Variants in PDGFRB observed in about 807,000 individuals in gnomAD.
PDGFRB encodes platelet derived growth factor receptor beta.
A neutral mutation model predicts 120.2 loss-of-function variants in PDGFRB; 42 were observed. The observed-to-expected ratio is 0.35, with a 90% CI of 0.27 to 0.45. PDGFRB has a LOEUF of 0.45. Ranked by LOEUF, PDGFRB falls within the 20% of genes least tolerant of loss-of-function variation. The pLI is 1.00. For synonymous variants in PDGFRB, 586 were observed against 606.8 expected (o/e 0.97, Z 0.50); for missense variants, 1,149 against 1,476.3 (o/e 0.78, Z 3.63).
intron 1 of PDGFRB, among the ~76,000 whole-genome samples, chr5:150,140,650 GC>G (rs1157014826): frequency 6.6e-6 from 1 of 151,674 alleles, no homozygotes; most frequent in African/African-American, 2.4e-5. Flanking sequence ...GGAGTGGGGG[GC>G]CCCAAGTCTA....
Position 150,155,386 on chromosome 5 carries a change from C to T in PDGFRB, c.-7+11G>A. On this transcript the variant is annotated intron_variant, in intron 1 of 22. Transcript: ENST00000261799. ...CATGGGGCTGGGGTTCCCACTTTTT[C>T]CAGCACTTACCTTGCTGCTGATGGC... The T allele has an allele frequency of 3.0e-6, 1 of 337,606 alleles. No homozygotes were observed. The highest frequency in any genetic ancestry group is 5.2e-6 in the Non-Finnish European group (1 of 193,672). 20.9% of individuals were successfully genotyped at this position (337,606 alleles called of 1,614,324 possible).
rs762412467 is a variant in PDGFRB, at chr5:150,119,453, G to A, written c.2798+14C>T. The stretch of plus-strand genomic sequence containing the variant: ...CAGCACAAAATCCTCCCAAATGCAT[G>A]AGACTCCACTCACATCTCGTCGGAG... On this transcript the variant is annotated intron_variant, in intron 20 of 22. Transcript: ENST00000261799. 35 of 1,439,628 alleles carry A rather than the reference G, an allele frequency of 2.4e-5. No homozygotes were observed. The highest frequency in any genetic ancestry group is 3.2e-5 in the Non-Finnish European group (33 of 1,020,682). 89.2% of individuals were successfully genotyped at this position (1,439,628 alleles called of 1,614,324 possible).
chr5:150,143,726 G>A lies in PDGFRB; in HGVS notation c.-6-6673C>T, dbSNP rs150861278. On this transcript the variant is annotated intron_variant, in intron 1 of 22. Coordinates refer to ENST00000261799, the MANE Select transcript of PDGFRB (RefSeq NM_002609.4). ...GGGAGCCAGAGAAGAGAGCAGGATC[G>A]GAGGGTGAGGAGACAGTTACAGGTG... is the stretch of plus-strand genomic sequence containing the variant. Among the ~76,000 whole-genome samples, 498 of 152,238 alleles carry A rather than the reference G, an allele frequency of 3.3e-3. 1 individual carries two copies. Among genetic ancestry groups the A allele is most frequent in the Admixed American group, 5.0e-3 (77 of 15,300 alleles).
intron 10 of PDGFRB, among the ~76,000 whole-genome samples, chr5:150,127,833 T>TAAA (rs56899708): frequency 0.023 from 1,427 of 62,404 alleles, 146 homozygotes; most frequent in African/African-American, 0.036. Flanking sequence ...GACTCCATCT[T>TAAA]AAAAAAAAAA....
chr5:150,135,556 T>C lies in PDGFRB; in HGVS notation c.363A>G (p.Pro121=). The C allele has an allele frequency of 1.9e-6, 3 of 1,595,074 alleles. No individual in the cohort carries two copies. Among genetic ancestry groups the C allele is most frequent in the Non-Finnish European group, 1.7e-6 (2 of 1,167,818 alleles). The change falls in exon 3 of 23, where the codon CCA becomes CCG. Residue 121 remains proline, a splice_region_variant and synonymous_variant. Transcript: ENST00000261799. ...DERKRLYIFV[P]DPTVGFLPND... Reference sequence around the variant, plus strand: ...GGCACACAGGCTGGGAGCCCTTACCTGGCACAAAGATGTAGAGCCGTTTCC... The same window carrying C: ...GGCACACAGGCTGGGAGCCCTTACCCGGCACAAAGATGTAGAGCCGTTTCC...
intron 8 of PDGFRB, 26 bp downstream of exon 8, chr5:150,131,953 G>T: frequency 8.6e-7 from 1 of 1,169,152 alleles, no homozygotes; most frequent in Non-Finnish European, 1.3e-6. Context: ...AAGGAGCAGG[G>T]ACATGGCGAG....
chr5:150,130,569 A>G lies in PDGFRB; in HGVS notation c.1337T>C (p.Ile446Thr), dbSNP rs1318048844. The change falls in exon 9 of 23, where the codon ATC becomes ACC. Residue 446 changes from isoleucine (I) to threonine (T), a missense_variant. By Grantham distance (89) the Ile-to-Thr change is moderately conservative. Coordinates refer to ENST00000261799, the MANE Select transcript of PDGFRB (RefSeq NM_002609.4). Reference protein sequence around the residue: ...CRGRGMPQPNIIWSACRDLKR... With the variant: ...CRGRGMPQPNTIWSACRDLKR... ...GAGGTCTCTGCAGGCAGACCAGATGATGTTCGGCTGGGGCATGCCCCGGCC... is the reference window on the plus strand; with the variant it reads ...GAGGTCTCTGCAGGCAGACCAGATGGTGTTCGGCTGGGGCATGCCCCGGCC... The G allele has an allele frequency of 6.4e-7, 1 of 1,566,130 alleles. No individual in the cohort carries two copies. The highest frequency in any genetic ancestry group is 8.7e-7 in the Non-Finnish European group (1 of 1,151,012).
At chr5:150,130,071 TGTCCCAC>T in intron 9 of PDGFRB, 103 bp from the exon 10 acceptor site, 2 of 896,432 alleles carry the variant, frequency 2.2e-6, no homozygotes, top group Non-Finnish European at 3.6e-6. Context: ...CCAGTTCCTA[TGTCCCAC>T]TGCCTGTTTC....
At chr5:150,124,649 C>T (rs2113895694) in intron 13 of PDGFRB, 78 bp downstream of exon 13, 2 of 719,684 alleles carry the variant, frequency 2.8e-6, no homozygotes, top group Non-Finnish European at 4.8e-6. Context: ...ATCAGGCCAC[C>T]CTGGGAGAGG....
intron 14 of PDGFRB, 106 bp from the exon 15 acceptor site, chr5:150,123,307 A>G (rs1760201300): frequency 2.4e-6 from 2 of 848,228 alleles, no homozygotes; most frequent in Admixed American, 2.1e-5. Context: ...CTTTGGCATG[A>G]CGGCTAGGAG....
intron 4 of PDGFRB, 169 bp downstream of exon 4, chr5:150,134,581 C>A (rs531431880): frequency 3.1e-5 from 20 of 646,508 alleles, no homozygotes; most frequent in Non-Finnish European, 4.7e-5. Context: ...TCTCTCTGCG[C>A]CTGAGTTTCC....
Position 150,133,261 on chromosome 5 carries a change from G to A in PDGFRB, c.935-319C>T, listed in dbSNP as rs149541884. Among the ~76,000 whole-genome samples, 1,047 of 152,352 alleles carry A rather than the reference G, an allele frequency of 6.9e-3. 15 individuals are homozygous for A. Among genetic ancestry groups the A allele is most frequent in the African/African-American group, 0.025 (1,019 of 41,588 alleles). On this transcript the variant is annotated intron_variant, in intron 6 of 22. Coordinates refer to ENST00000261799, the MANE Select transcript of PDGFRB (RefSeq NM_002609.4). Reference sequence around the variant, plus strand: ...GATGGGGCTTCCCGGACCTGGGATGGCAGTTGGGCTTGGAAGTCAGGTTGG... The same window carrying A: ...GATGGGGCTTCCCGGACCTGGGATGACAGTTGGGCTTGGAAGTCAGGTTGG...
chr5:150,117,395 A>T (rs1434839978), intron 22 of PDGFRB, among the ~76,000 whole-genome samples: 2 of 152,198 alleles, frequency 1.3e-5, no homozygotes, highest in African/African-American at 4.8e-5. Flanking sequence ...GTCCCAGCCC[A>T]TACTTTTGTT....
chr5:150,148,630 T>C (rs1760988562), intron 1 of PDGFRB, among the ~76,000 whole-genome samples: 2 of 152,258 alleles, frequency 1.3e-5, no homozygotes, highest in South Asian at 4.1e-4. Flanking sequence ...CCCAGTTCTC[T>C]GAGTTTAACT....
Position 150,115,474 on chromosome 5 carries a change from C to A in PDGFRB, c.*289G>T. 3.1e-6 allele frequency: 1 copy of A among 318,188 alleles called. No homozygotes were observed. 19.7% of individuals were successfully genotyped at this position (318,188 alleles called of 1,614,324 possible). A position where few individuals can be genotyped will look rare whatever the true frequency, so the allele number is the denominator to read the frequency against. On this transcript the variant is annotated 3_prime_UTR_variant, in exon 23 of 23. Coordinates refer to ENST00000261799, the MANE Select transcript of PDGFRB (RefSeq NM_002609.4). ...AATCCTAGATTCTGGGTCATCAAGC[C>A]TAACTTTCCCATTTTACATATGGGA...
chr5:150,122,090 TCC>T, intron 15 of PDGFRB, 50 bp from the exon 16 acceptor site: 2 of 1,459,688 alleles, frequency 1.4e-6, no homozygotes, highest in Non-Finnish European at 1.9e-6. Flanking sequence ...TGCCTTCCCC[TCC>T]CCTCCTGCCC....
chr5:150,123,554 T>C (rs750884633), intron 14 of PDGFRB, among the ~76,000 whole-genome samples: 1 of 152,210 alleles, frequency 6.6e-6, no homozygotes, highest in Non-Finnish European at 1.5e-5. Flanking sequence ...GAGCCCAGTA[T>C]AGAAAGCAGA....
intron 1 of PDGFRB, among the ~76,000 whole-genome samples, chr5:150,153,170 C>T (rs551582477): frequency 6.6e-6 from 1 of 152,216 alleles, no homozygotes; most frequent in East Asian, 1.9e-4. Context: ...ACGGTGCTTT[C>T]CACTGCCTGC....
chr5:150,145,731 A>AT (rs1185614019), intron 1 of PDGFRB, among the ~76,000 whole-genome samples: 1 of 152,074 alleles, frequency 6.6e-6, no homozygotes, highest in Non-Finnish European at 1.5e-5. Flanking sequence ...ACAAGCTCAA[A>AT]TAAAAAAAAA....
Sources: gnomAD v4.1 joint callset for allele counts (sites outside exome capture counted in the v4.1 genomes callset) on GRCh38, gnomAD v4.1.1 for gene constraint, MANE v1.5 for transcripts, NCBI Gene and HGNC (gene_info 2026-07-23, HGNC 2026-07-21) for gene names.